Variants in FAR1 observed in about 807,000 individuals in gnomAD.
FAR1 encodes the protein male sterility domain-containing protein 2.
FAR1 carries 22 observed loss-of-function variants against 61.1 expected under a neutral mutation model. That is an observed-to-expected ratio of 0.36 (90% CI 0.26 to 0.51). FAR1 has a LOEUF of 0.51. Among genes scored for constraint, FAR1 ranks in the 20% least tolerant of loss-of-function variants. The pLI is 0.95. For synonymous variants in FAR1, 206 were observed against 209.7 expected (o/e 0.98, Z 0.15); for missense variants, 359 against 626.9 (o/e 0.57, Z 4.56).
intron 3 of FAR1, among the ~76,000 whole-genome samples, chr11:13,705,028 C>T (rs1299391111): frequency 1.3e-5 from 2 of 151,992 alleles, no homozygotes; most frequent in African/African-American, 2.4e-5. Flanking sequence ...AGAAGAAAGA[C>T]GAACAAGAAA....
intron 1 of FAR1, among the ~76,000 whole-genome samples, chr11:13,690,024 T>C (rs1052218840): frequency 6.6e-6 from 1 of 151,920 alleles, no homozygotes; most frequent in African/African-American, 2.4e-5. Flanking sequence ...TAAAGGCGTG[T>C]GCCACCACGC....
intron 2 of FAR1, among the ~76,000 whole-genome samples, chr11:13,698,845 A>AG (rs900532383): frequency 2.0e-5 from 3 of 151,836 alleles, no homozygotes; most frequent in African/African-American, 7.3e-5. Flanking sequence ...AAAAAAAAAA[A>AG]TCTTTATCAG....
intron 1 of FAR1, among the ~76,000 whole-genome samples, chr11:13,682,046 G>C (rs1848133337): frequency 6.6e-6 from 1 of 152,082 alleles, no homozygotes; most frequent in Non-Finnish European, 1.5e-5. Context: ...ATCTTAATGG[G>C]CTTTCCTTTT....
intron 9 of FAR1, chr11:13,720,033 T>C (rs1223796955): frequency 6.6e-6 from 1 of 152,220 alleles, no homozygotes; most frequent in East Asian, 1.9e-4. Context: ...CCCAATAGTT[T>C]TCAATCCAGT....
chr11:13,731,418 C>T lies in FAR1; in HGVS notation c.*2644C>T, dbSNP rs1848724685. On this transcript the variant is annotated 3_prime_UTR_variant, in exon 12 of 12. Coordinates refer to ENST00000354817, the MANE Select transcript of FAR1 (RefSeq NM_032228.6). Reference sequence around the variant, plus strand: ...TTTGTTTTAAATGTAAATTGAGAATCTTTTATAAGAAATAAAAGCATTATT... The same window carrying T: ...TTTGTTTTAAATGTAAATTGAGAATTTTTTATAAGAAATAAAAGCATTATT... The T allele has an allele frequency of 6.6e-6, 1 of 152,318 alleles. No homozygotes were observed. Among genetic ancestry groups the T allele is most frequent in the Non-Finnish European group, 1.5e-5 (1 of 67,968 alleles). 9.4% of individuals were successfully genotyped at this position (152,318 alleles called of 1,614,324 possible). A position where few individuals can be genotyped will look rare whatever the true frequency, so the allele number is the denominator to read the frequency against.
intron 4 of FAR1, among the ~76,000 whole-genome samples, chr11:13,709,773 T>G (rs1252009377): frequency 3.9e-5 from 6 of 152,124 alleles, no homozygotes; most frequent in Admixed American, 3.9e-4. Flanking sequence ...AGAAGAAAAT[T>G]TTATCTTGAT....
At chr11:13,708,947 T>G (rs1848469104) in intron 4 of FAR1, among the ~76,000 whole-genome samples, 1 of 152,206 alleles carries the variant, frequency 6.6e-6, no homozygotes, top group Admixed American at 6.5e-5. Flanking sequence ...ACCATGACCT[T>G]ATTCTCATTT....
At chr11:13,682,372 A>T (rs1225452393) in intron 1 of FAR1, among the ~76,000 whole-genome samples, 1 of 152,204 alleles carries the variant, frequency 6.6e-6, no homozygotes, top group African/African-American at 2.4e-5. Context: ...GAGGTTGGCA[A>T]ACTATGGCCT....
At chr11:13,674,084 G>A (rs1282456766) in intron 1 of FAR1, among the ~76,000 whole-genome samples, 1 of 152,098 alleles carries the variant, frequency 6.6e-6, no homozygotes, top group African/African-American at 2.4e-5. Context: ...GGCCGAGGTG[G>A]GCGGATCATG....
In FAR1 at chr11:13,727,597, T is replaced by C. The variant is rs766770691; in HGVS notation, c.1299T>C (p.Tyr433=). The change falls in exon 11 of 12, where the codon TAT becomes TAC. Residue 433 remains tyrosine (Y), a synonymous_variant. Transcript: ENST00000354817. ...IDVRQLHWAE[Y]IENYCLGTKK... ...TACGGCAGTTACATTGGGCAGAATA[T>C]ATAGAGAACTACTGCTTGGGAACTA... 6 of 1,610,616 alleles carry C rather than the reference T, an allele frequency of 3.7e-6. No individual in the cohort carries two copies. The highest frequency in any genetic ancestry group is 1.7e-6 in the Non-Finnish European group (2 of 1,177,626).
intron 1 of FAR1, among the ~76,000 whole-genome samples, chr11:13,690,120 G>A (rs1459799921): frequency 6.6e-6 from 1 of 151,786 alleles, no homozygotes; most frequent in African/African-American, 2.4e-5. Flanking sequence ...CAGGTAATCT[G>A]CCCGCCTCAG....
chr11:13,679,951 T>TG (rs1565338862), intron 1 of FAR1, among the ~76,000 whole-genome samples: 1 of 151,964 alleles, frequency 6.6e-6, no homozygotes, highest in Non-Finnish European at 1.5e-5. Flanking sequence ...GGGGAAGTAT[T>TG]GGGGAAAATA....
chr11:13,703,383 T>TAACA (rs955790159), intron 3 of FAR1, among the ~76,000 whole-genome samples: 1 of 149,788 alleles, frequency 6.7e-6, no homozygotes, highest in Non-Finnish European at 1.5e-5. Flanking sequence ...AGGGTTTCAC[T>TAACA]AACAGTTACT....
intron 1 of FAR1, among the ~76,000 whole-genome samples, chr11:13,690,566 A>C (rs1025299248): frequency 3.3e-5 from 5 of 152,110 alleles, no homozygotes; most frequent in Non-Finnish European, 7.4e-5. Flanking sequence ...AGAGTTCAAA[A>C]TTTCATTTTT....
chr11:13,717,148 C>A (rs1848565579), intron 9 of FAR1, among the ~76,000 whole-genome samples: 1 of 151,970 alleles, frequency 6.6e-6, no homozygotes, highest in African/African-American at 2.4e-5. Context: ...ATCCTGCCTT[C>A]CCCCTCGCGC....
chr11:13,680,451 A>C (rs1209729273), intron 1 of FAR1, among the ~76,000 whole-genome samples: 1 of 152,188 alleles, frequency 6.6e-6, no homozygotes, highest in Non-Finnish European at 1.5e-5. Context: ...GATATAAAGG[A>C]ATACCTGAAG....
At position 13,694,819 on chromosome 11, in the gene FAR1, T is replaced by C; in HGVS notation, c.54T>C (p.Ala18=). 1 of 1,614,104 alleles carries C rather than the reference T, an allele frequency of 6.2e-7. No individual in the cohort carries two copies. The highest frequency in any genetic ancestry group is 8.5e-7 in the Non-Finnish European group (1 of 1,179,952). The stretch of plus-strand genomic sequence containing the variant: ...GCAAGAACGTCCTCCTCACAGGAGC[T>C]ACCGGTTTTCTAGGGAAGGTGCTTC... ...YEGKNVLLTG[A]TGFLGKVLLE... Residue 18 remains alanine (A), a synonymous_variant, in exon 2 of 12, where the codon GCT becomes GCC. Transcript: ENST00000354817.
chr11:13,719,558 G>T (rs1297310807), intron 9 of FAR1, among the ~76,000 whole-genome samples: 1 of 152,076 alleles, frequency 6.6e-6, no homozygotes, highest in African/African-American at 2.4e-5. Context: ...CATCTGACCT[G>T]ACATTTTTTA....
Position 13,696,081 on chromosome 11 carries a change from G to C in FAR1, c.189+1127G>C, listed in dbSNP as rs1055855237. On this transcript the variant is annotated intron_variant, in intron 2 of 11. Transcript: ENST00000354817. ...CATCAATGGGGCTGTAAAACCACAA[G>C]GCTTGTTCTAAGTAAAATGTCTACA... Among the ~76,000 whole-genome samples the C allele has an allele frequency of 5.9e-5, 9 of 152,186 alleles. No individual in the cohort carries two copies. The East Asian group carries it at 1.4e-3, about 23-fold the overall frequency.
Sources: allele counts gnomAD v4.1 joint callset (sites outside exome capture counted in the v4.1 genomes callset), GRCh38; gene constraint gnomAD v4.1.1; transcripts MANE v1.5; gene names NCBI Gene and HGNC (gene_info 2026-07-23, HGNC 2026-07-21).